The following TMEM132C variants were observed in gnomAD, a reference collection of about 807,000 sequenced individuals.
TMEM132C encodes the protein protein phosphatase 1, regulatory subunit 152.
TMEM132C carries 29 observed loss-of-function variants against 61.4 expected under a neutral mutation model. That is an observed-to-expected ratio of 0.47 (90% CI 0.35 to 0.64). TMEM132C has a LOEUF of 0.64. Ranked by LOEUF, TMEM132C falls within the 30% of genes least tolerant of loss-of-function variation. The pLI, the probability that TMEM132C is intolerant of heterozygous loss-of-function variation, is 0.00. For missense variants in TMEM132C, 1,408 were observed against 1,476.9 expected (o/e 0.95, Z 0.76); for synonymous variants, 656 against 633.1 (o/e 1.04, Z -0.54).
intron 1 of TMEM132C, among the ~76,000 whole-genome samples, chr12:128,307,401 C>G (rs1000616950): frequency 2.7e-5 from 4 of 150,222 alleles, no homozygotes; most frequent in Admixed American, 2.0e-4. Flanking sequence ...GCACATAAAA[C>G]TGTAAGCTCC....
chr12:128,469,380 G>A (rs911742932), intron 2 of TMEM132C, among the ~76,000 whole-genome samples: 1 of 147,106 alleles, frequency 6.8e-6, no homozygotes, highest in African/African-American at 2.6e-5. Flanking sequence ...AGGCTGGAGT[G>A]CAGTGGCTCA....
chr12:128,474,784 A>G (rs756599843), intron 2 of TMEM132C, among the ~76,000 whole-genome samples: 3 of 152,154 alleles, frequency 2.0e-5, no homozygotes, highest in Non-Finnish European at 4.4e-5. Context: ...TGGTCTGTTG[A>G]AAACCTCACA....
chr12:128,427,951 G>A (rs184056875), intron 2 of TMEM132C, among the ~76,000 whole-genome samples: 18 of 152,300 alleles, frequency 1.2e-4, no homozygotes, highest in Middle Eastern at 3.4e-3. Flanking sequence ...AAAGGAGTGC[G>A]CAGCCTTTTC....
rs74733996 is a variant in TMEM132C, at chr12:128,513,220, G to A, written c.975-30737G>A. The stretch of plus-strand genomic sequence containing the variant: ...CTGCTCACAGGGGAAGGACTGCTTC[G>A]GGCACATCAAGCAGAAACATCCTGA... On this transcript the variant is annotated intron_variant, in intron 2 of 8. Coordinates refer to ENST00000435159, the MANE Select transcript of TMEM132C (RefSeq NM_001136103.3). 8.5e-5 allele frequency among the ~76,000 whole-genome samples: 13 copies of A among 152,130 alleles called. No individual in the cohort carries two copies. In the East Asian group the frequency reaches 1.9e-3, roughly 23 times the overall value.
chr12:128,552,287 A>G (rs1874200914), intron 3 of TMEM132C, among the ~76,000 whole-genome samples: 1 of 152,266 alleles, frequency 6.6e-6, no homozygotes, highest in South Asian at 2.1e-4. Flanking sequence ...ACTTACATAG[A>G]AAACCATAAT....
At chr12:128,497,628 G>A (rs191796695) in intron 2 of TMEM132C, among the ~76,000 whole-genome samples, 2 of 152,196 alleles carry the variant, frequency 1.3e-5, no homozygotes, top group Admixed American at 6.5e-5. Context: ...GACCCTCTGA[G>A]CCAGGTGCGG....
intron 2 of TMEM132C, among the ~76,000 whole-genome samples, chr12:128,506,831 ATGC>A (rs1317444649): frequency 6.6e-6 from 1 of 152,190 alleles, no homozygotes; most frequent in African/African-American, 2.4e-5. Flanking sequence ...GAATGGGCTG[ATGC>A]CCTTAGCAGG....
intron 4 of TMEM132C, among the ~76,000 whole-genome samples, chr12:128,634,158 C>T (rs975836172): frequency 2.0e-5 from 3 of 152,186 alleles, no homozygotes; most frequent in African/African-American, 7.2e-5. Flanking sequence ...ACTGCATCCT[C>T]GAACTCCTGG....
At chr12:128,414,206 G>T (rs1359200639) in intron 1 of TMEM132C, among the ~76,000 whole-genome samples, 1 of 151,954 alleles carries the variant, frequency 6.6e-6, no homozygotes. Flanking sequence ...GGGCAAAATA[G>T]TGAGACCCCA....
intron 1 of TMEM132C, among the ~76,000 whole-genome samples, chr12:128,407,365 A>C (rs1001004883): frequency 3.9e-4 from 59 of 152,136 alleles, no homozygotes; most frequent in African/African-American, 1.3e-3. Context: ...TAAATTACCC[A>C]GTCTCGGGTA....
At chr12:128,497,197 C>T (rs368995516) in intron 2 of TMEM132C, among the ~76,000 whole-genome samples, 4 of 152,192 alleles carry the variant, frequency 2.6e-5, no homozygotes, top group East Asian at 1.9e-4. Flanking sequence ...CTGGAAGCTT[C>T]GTCTCAGAGG....
intron 2 of TMEM132C, among the ~76,000 whole-genome samples, chr12:128,473,816 A>G (rs1287499763): frequency 2.0e-5 from 3 of 152,058 alleles, no homozygotes; most frequent in South Asian, 2.1e-4. Flanking sequence ...TTGTTACTGG[A>G]TTAAGGACCC....
chr12:128,427,387 G>GGGGT (rs1555223960), intron 2 of TMEM132C, among the ~76,000 whole-genome samples: 3 of 132,294 alleles, frequency 2.3e-5, no homozygotes, highest in Admixed American at 7.9e-5. Context: ...CTTCCAAAGG[G>GGGGT]GTGTGTGTGT....
intron 2 of TMEM132C, among the ~76,000 whole-genome samples, chr12:128,492,638 A>C (rs1291623421): frequency 6.6e-6 from 1 of 152,228 alleles, no homozygotes; most frequent in Non-Finnish European, 1.5e-5. Context: ...TGTTGGCTGC[A>C]TAAGTGTCTT....
chr12:128,412,169 C>A (rs894949934), intron 1 of TMEM132C, among the ~76,000 whole-genome samples: 18 of 152,142 alleles, frequency 1.2e-4, no homozygotes, highest in Admixed American at 4.6e-4. Context: ...CAATTAAGTT[C>A]ATTTCTTTCC....
intron 4 of TMEM132C, among the ~76,000 whole-genome samples, chr12:128,666,587 G>A (rs1217226541): frequency 6.6e-6 from 1 of 152,196 alleles, no homozygotes; most frequent in Non-Finnish European, 1.5e-5. Flanking sequence ...GATATGATAT[G>A]TGATCAGGAT....
chr12:128,524,282 C>T (rs1334089909), intron 2 of TMEM132C, among the ~76,000 whole-genome samples: 3 of 152,166 alleles, frequency 2.0e-5, no homozygotes, highest in Non-Finnish European at 2.9e-5. Context: ...GCATGTAACA[C>T]GATGGCATTG....
intron 3 of TMEM132C, among the ~76,000 whole-genome samples, chr12:128,555,518 C>CTT (rs1177542416): frequency 6.6e-6 from 1 of 152,178 alleles, no homozygotes; most frequent in Non-Finnish European, 1.5e-5. Flanking sequence ...ACACGCAAAA[C>CTT]TTATAGCAGG....
chr12:128,363,161 G>C (rs1314178400), intron 1 of TMEM132C, among the ~76,000 whole-genome samples: 2 of 152,148 alleles, frequency 1.3e-5, no homozygotes, highest in Admixed American at 1.3e-4. Flanking sequence ...TTTTTCACTG[G>C]AAGTAACAAT....
Sources: gnomAD v4.1 joint callset for allele counts (sites outside exome capture counted in the v4.1 genomes callset) on GRCh38, gnomAD v4.1.1 for gene constraint, MANE v1.5 for transcripts, NCBI Gene and HGNC (gene_info 2026-07-23, HGNC 2026-07-21) for gene names.